The following RFC1 variants were observed in gnomAD, a reference collection of about 807,000 sequenced individuals.
The protein encoded by RFC1 is A1 140 kDa subunit.
In RFC1, 37 loss-of-function variants were observed where a neutral mutation model predicts 137.4. The observed-to-expected ratio is 0.27, with a 90% CI of 0.21 to 0.35. RFC1 has a LOEUF of 0.35. Among genes scored for constraint, RFC1 ranks in the 10% least tolerant of loss-of-function variants. The pLI is 1.00. For missense variants in RFC1, 1,205 were observed against 1,358.5 expected (o/e 0.89, Z 1.78); for synonymous variants, 429 against 455.7 (o/e 0.94, Z 0.75).
chr4:39,291,888 A>G (rs373975872), intron 22 of RFC1, 36 bp from the exon 23 acceptor site: 8 of 1,469,614 alleles, frequency 5.4e-6, no homozygotes, highest in Non-Finnish European at 6.7e-6. Flanking sequence ...GTCAACAGCA[A>G]AGTATCAACT....
chr4:39,336,136 A>G (rs1308331393), intron 4 of RFC1, among the ~76,000 whole-genome samples: 1 of 152,184 alleles, frequency 6.6e-6, no homozygotes, highest in Non-Finnish European at 1.5e-5. Context: ...AATACACACT[A>G]ATAAAAGAGA....
At chr4:39,300,583 C>T (rs185592155) in intron 19 of RFC1, among the ~76,000 whole-genome samples, 169 bp from the exon 20 acceptor site, 154 of 152,262 alleles carry the variant, frequency 1.0e-3, no homozygotes, top group African/African-American at 3.4e-3. Flanking sequence ...TCTTACCACG[C>T]GATCCAGCAA....
chr4:39,308,190 C>T (rs1259364979), intron 13 of RFC1, among the ~76,000 whole-genome samples: 2 of 152,172 alleles, frequency 1.3e-5, no homozygotes, highest in Non-Finnish European at 2.9e-5. Context: ...AGGGGTCTTG[C>T]TGTCACATGG....
rs1737579433 is a variant in RFC1, at chr4:39,289,983, T to G, written c.3225A>C (p.Ser1075=). The change falls in exon 24 of 25, where the codon TCA becomes TCC. Residue 1075 remains serine (S), a synonymous_variant. Transcript: ENST00000349703. ...YNKEAHLTPY[S]LQAIKASRHS... Reference sequence around the variant, plus strand: ...GTCTAGATGCCTTTATAGCTTGAAGTGAGTATGGAGTAAGGTGGGCTTCCT... The same window carrying G: ...GTCTAGATGCCTTTATAGCTTGAAGGGAGTATGGAGTAAGGTGGGCTTCCT... 1.2e-6 allele frequency: 2 copies of G among 1,613,780 alleles called. No individual in the cohort carries two copies. Among genetic ancestry groups the G allele is most frequent in the Non-Finnish European group, 1.7e-6 (2 of 1,179,760 alleles).
intron 14 of RFC1, 69 bp from the exon 15 acceptor site, chr4:39,304,997 C>A: frequency 3.4e-6 from 3 of 873,964 alleles, no homozygotes; most frequent in Non-Finnish European, 5.9e-6. Flanking sequence ...CCAAGAAAGG[C>A]CAGTTAAGAA....
chr4:39,321,822 T>C (rs1028352126), intron 7 of RFC1: 1 of 154,964 alleles, frequency 6.5e-6, no homozygotes, highest in African/African-American at 2.4e-5. Context: ...CAAAACTCCA[T>C]TTTATAAAAA....
intron 10 of RFC1, among the ~76,000 whole-genome samples, chr4:39,315,746 G>A (rs970633467): frequency 6.6e-6 from 1 of 152,078 alleles, no homozygotes; most frequent in African/African-American, 2.4e-5. Flanking sequence ...CATAGATTTT[G>A]CCTCTTCTAG....
At position 39,304,906 on chromosome 4, in the gene RFC1, T is replaced by G. The variant is rs145107601; in HGVS notation, c.2018A>C (p.Glu673Ala). The G allele has an allele frequency of 1.2e-6, 2 of 1,611,708 alleles. No individual in the cohort carries two copies. Among genetic ancestry groups the G allele is most frequent in the Non-Finnish European group, 1.7e-6 (2 of 1,177,886 alleles). The change falls in exon 15 of 25, where the codon GAA becomes GCA. Residue 673 changes from glutamate (E) to alanine (A), a missense_variant. Physicochemically the swap from Glu to Ala is moderately radical, Grantham distance 107. This residue lies in a region of RFC1 where 962 missense variants were observed against 1,035.3 expected (regional missense o/e 0.93). Coordinates refer to ENST00000349703, the MANE Select transcript of RFC1 (RefSeq NM_002913.5). ...VCQELGYSYV[E>A]LNASDTRSKS... ...ACTCCGGGTGTCACTTGCATTCAGT[T>G]CCACGTAGCTGTATCCCAACTCCTA... is the stretch of plus-strand genomic sequence containing the variant.
chr4:39,360,080 T>A (rs946785219), intron 1 of RFC1, among the ~76,000 whole-genome samples: 1 of 152,144 alleles, frequency 6.6e-6, no homozygotes, highest in African/African-American at 2.4e-5. Context: ...ATGTTTTCTT[T>A]TTTTGGCCGG....
At chr4:39,321,610 T>C in intron 7 of RFC1, 1 of 411,458 alleles carries the variant, frequency 2.4e-6, no homozygotes, top group South Asian at 4.4e-5. Context: ...ATAAAAATTA[T>C]CTCTCTTCAT....
intron 1 of RFC1, among the ~76,000 whole-genome samples, chr4:39,363,066 G>A (rs1472347019): frequency 1.3e-5 from 2 of 152,106 alleles, no homozygotes; most frequent in East Asian, 1.9e-4. Flanking sequence ...CTGACCTCAC[G>A]GCTCTTCAAA....
chr4:39,295,596 C>T lies in RFC1; in HGVS notation c.2954+18G>A. 1 of 1,572,590 alleles carries T rather than the reference C, an allele frequency of 6.4e-7. No homozygotes were observed. Among genetic ancestry groups the T allele is most frequent in the Non-Finnish European group, 8.7e-7 (1 of 1,155,954 alleles). ...CACCAAATCGATAAAATACCCGAAACAGAGTAATCCCACCTACCTGAGACT... is the reference window on the plus strand; with the variant it reads ...CACCAAATCGATAAAATACCCGAAATAGAGTAATCCCACCTACCTGAGACT... On this transcript the variant is annotated intron_variant, in intron 22 of 24. Coordinates refer to ENST00000349703, the MANE Select transcript of RFC1 (RefSeq NM_002913.5).
At chr4:39,333,779 G>T (rs754913604) in intron 4 of RFC1, among the ~76,000 whole-genome samples, 1 of 152,106 alleles carries the variant, frequency 6.6e-6, no homozygotes, top group African/African-American at 2.4e-5. Flanking sequence ...ATTGAACAAT[G>T]TCTTCAAGCT....
Position 39,317,013 on chromosome 4 carries a change from G to A in RFC1, c.1105C>T (p.Pro369Ser). 1 of 1,610,908 alleles carries A rather than the reference G, an allele frequency of 6.2e-7. No homozygotes were observed. Among genetic ancestry groups the A allele is most frequent in the Non-Finnish European group, 8.5e-7 (1 of 1,177,498 alleles). Reference protein sequence around the residue: ...SSPAKKESVSPEDSEKKRTNY... With the variant: ...SSPAKKESVSSEDSEKKRTNY... ...GTGCGTTTCTTTTCAGAATCTTCAG[G>A]ACTTACAGACTTTGGGAACAGGGAA... The change falls in exon 10 of 25, where the codon CCT (proline) becomes TCT (serine). Residue 369 changes from proline to serine, a missense_variant. This residue lies in a region of RFC1 where 962 missense variants were observed against 1,035.3 expected (regional missense o/e 0.93). Coordinates refer to ENST00000349703, the MANE Select transcript of RFC1 (RefSeq NM_002913.5).
intron 4 of RFC1, among the ~76,000 whole-genome samples, chr4:39,341,081 T>C (rs1008367985): frequency 6.6e-6 from 1 of 152,220 alleles, no homozygotes; most frequent in African/African-American, 2.4e-5. Context: ...ACTAGTCCCA[T>C]GTGAAAGAAA....
At position 39,302,311 on chromosome 4, in the gene RFC1, A is replaced by G; in HGVS notation, c.2502T>C (p.Ala834=). 2 of 1,612,882 alleles carry G rather than the reference A, an allele frequency of 1.2e-6. No individual in the cohort carries two copies. Among genetic ancestry groups the G allele is most frequent in the Non-Finnish European group, 1.7e-6 (2 of 1,178,866 alleles). The change falls in exon 19 of 25, where the codon GCT becomes GCC. Residue 834 remains alanine, a synonymous_variant. Coordinates refer to ENST00000349703, the MANE Select transcript of RFC1 (RefSeq NM_002913.5). ...SKALTYDQAK[A]DSHRAKKDIK... ...TATCCTTTTTGGCTCTGTGAGAATC[A>G]GCTTTGGCCTGGTCATAGGTTAATG... is the stretch of plus-strand genomic sequence containing the variant.
At chr4:39,292,736 G>C (rs1424121327) in intron 22 of RFC1, among the ~76,000 whole-genome samples, 1 of 151,636 alleles carries the variant, frequency 6.6e-6, no homozygotes, top group Admixed American at 6.6e-5. Flanking sequence ...CCACCTCCCG[G>C]GTTCAGGAGG....
intron 4 of RFC1, among the ~76,000 whole-genome samples, chr4:39,337,760 A>T (rs1740430092): frequency 6.6e-6 from 1 of 152,180 alleles, no homozygotes; most frequent in African/African-American, 2.4e-5. Flanking sequence ...TGTTACACAC[A>T]TCCCCAAGAA....
At chr4:39,340,634 A>G (rs1740565953) in intron 4 of RFC1, among the ~76,000 whole-genome samples, 1 of 151,892 alleles carries the variant, frequency 6.6e-6, no homozygotes, top group Non-Finnish European at 1.5e-5. Context: ...CTTTTTTGAA[A>G]CTCTTACATT....
Sources: allele counts gnomAD v4.1 joint callset (sites outside exome capture counted in the v4.1 genomes callset), GRCh38; gene constraint gnomAD v4.1.1; regional missense constraint gnomAD v4.1.1; transcripts MANE v1.5; gene names NCBI Gene and HGNC (gene_info 2026-07-23, HGNC 2026-07-21).